MRC1: variants seen among roughly 807,000 people sequenced by gnomAD.
MRC1 encodes mannose receptor C-type 1.
A neutral mutation model predicts 102.9 loss-of-function variants in MRC1; 62 were observed. That is an observed-to-expected ratio of 0.60 (90% CI 0.49 to 0.74). The LOEUF (loss-of-function observed/expected upper bound fraction) is 0.74, where lower values mean the gene tolerates loss of function less well. MRC1 is among the 30% of genes least tolerant of loss of function. MRC1 has a pLI of 0.00. For synonymous variants in MRC1, 457 were observed against 298.4 expected (o/e 1.53, Z -5.48); for missense variants, 1,237 against 862.8 (o/e 1.43, Z -5.43).
intron 19 of MRC1, among the ~76,000 whole-genome samples, 158 bp downstream of exon 19, chr10:17,879,979 A>G (rs1167643015): frequency 6.6e-6 from 1 of 152,232 alleles, no homozygotes; most frequent in Non-Finnish European, 1.5e-5. Context: ...TTCAACTTGT[A>G]ACGAGAATAG....
intron 21 of MRC1, 41 bp downstream of exon 21, chr10:17,881,222 G>A: frequency 2.6e-6 from 2 of 769,790 alleles, no homozygotes; most frequent in Non-Finnish European, 4.8e-6. Context: ...GTTTAAATAT[G>A]GAATTCTGAC....
At chr10:17,858,742 T>C (rs1288667371) in intron 9 of MRC1, among the ~76,000 whole-genome samples, 3 of 152,318 alleles carry the variant, frequency 2.0e-5, no homozygotes, top group African/African-American at 7.2e-5. Context: ...CGCCTTGGCC[T>C]CCCAAAGTGC....
chr10:17,843,328 A>T (rs1321686011), intron 5 of MRC1, among the ~76,000 whole-genome samples: 1 of 152,156 alleles, frequency 6.6e-6, no homozygotes, highest in African/African-American at 2.4e-5. Context: ...AGATACCTTT[A>T]TGCTTATTAC....
At chr10:17,903,716 G>T (rs1276767301) in intron 26 of MRC1, among the ~76,000 whole-genome samples, 1 of 151,810 alleles carries the variant, frequency 6.6e-6, no homozygotes, top group Non-Finnish European at 1.5e-5. Flanking sequence ...TTTTCTTGTT[G>T]TTTCTTTTAC....
chr10:17,895,944 C>A (rs1255886481), intron 23 of MRC1, among the ~76,000 whole-genome samples: 2 of 152,174 alleles, frequency 1.3e-5, no homozygotes, highest in Non-Finnish European at 2.9e-5. Context: ...AATGAAGGGG[C>A]AGGTTATTCA....
At chr10:17,857,124 T>C (rs1316644149) in intron 9 of MRC1, among the ~76,000 whole-genome samples, 2 of 152,324 alleles carry the variant, frequency 1.3e-5, no homozygotes, top group East Asian at 3.9e-4. Flanking sequence ...TTTGGTACTA[T>C]AAAAATAAAC....
rs906315846 is a variant in MRC1 at position 17,900,780 on chromosome 10, C to T, written c.3484-8C>T. 15 of 780,604 alleles carry T rather than the reference C, an allele frequency of 1.9e-5. 1 individual carries two copies. Among genetic ancestry groups the T allele is most frequent in the East Asian group, 1.7e-4 (7 of 41,206 alleles). The allele number at this position is 780,604 out of a possible 1,614,324, so 48.4% of individuals were successfully genotyped here. Reference sequence around the variant, plus strand: ...GCTGCATGTTAATGCTTGTTTTTGTCGTTGCAGACTGATAATCAATACACT... The same window carrying T: ...GCTGCATGTTAATGCTTGTTTTTGTTGTTGCAGACTGATAATCAATACACT... On this transcript the variant is annotated splice_polypyrimidine_tract_variant and splice_region_variant and intron_variant, in intron 24 of 29. Coordinates refer to ENST00000569591, the MANE Select transcript of MRC1 (RefSeq NM_002438.4).
chr10:17,859,404 A>G (rs1368255191), intron 9 of MRC1, among the ~76,000 whole-genome samples: 2 of 151,968 alleles, frequency 1.3e-5, no homozygotes, highest in African/African-American at 4.8e-5. Context: ...CGCAACCTCT[A>G]CCACATGGGT....
At chr10:17,881,043 T>C in intron 20 of MRC1, 24 bp from the exon 21 acceptor site, 1 of 780,268 alleles carries the variant, frequency 1.3e-6, no homozygotes, top group South Asian at 1.3e-5. Context: ...TTTTCTTTTT[T>C]TCTCTGCCCC....
At chr10:17,869,937 ATCTTG>A (rs1412412185) in intron 12 of MRC1, among the ~76,000 whole-genome samples, 1 of 152,124 alleles carries the variant, frequency 6.6e-6, no homozygotes, top group African/African-American at 2.4e-5. Context: ...AACCAAATTA[ATCTTG>A]TCTTCCACGA....
At chr10:17,811,451 T>C (rs1182562884) in intron 1 of MRC1, among the ~76,000 whole-genome samples, 7 of 152,150 alleles carry the variant, frequency 4.6e-5, no homozygotes, top group African/African-American at 7.2e-5. Context: ...GGCACAAATA[T>C]TGGGGAGAGA....
At chr10:17,902,331 A>C (rs978028442) in intron 26 of MRC1, among the ~76,000 whole-genome samples, 1 of 152,190 alleles carries the variant, frequency 6.6e-6, no homozygotes, top group Non-Finnish European at 1.5e-5. Context: ...ATTCGGGTAG[A>C]AAACAGCGTA....
Position 17,833,739 on chromosome 10 carries a change from C to T in MRC1, c.702C>T (p.Ser234=). The T allele has an allele frequency of 1.3e-6, 1 of 781,042 alleles. No homozygotes were observed. The highest frequency in any genetic ancestry group is 2.4e-6 in the Non-Finnish European group (1 of 418,140). The allele number at this position is 781,042 out of a possible 1,614,324, so 48.4% of individuals were successfully genotyped here. The change falls in exon 4 of 30, where the codon TCC becomes TCT. Residue 234 remains serine, a synonymous_variant. Coordinates refer to ENST00000569591, the MANE Select transcript of MRC1 (RefSeq NM_002438.4). ...PLTSVSYQIN[S]KSALTWHQAR... is the part of the protein sequence containing the mutation. ...CCAGCGTTTCCTACCAGATAAACTC[C>T]AAATCCGCTTTAACGTGGCACCAGG...
chr10:17,831,784 T>C (rs1341186146), intron 3 of MRC1, among the ~76,000 whole-genome samples: 1 of 151,726 alleles, frequency 6.6e-6, no homozygotes, highest in Non-Finnish European at 1.5e-5. Flanking sequence ...ACATGAAGCA[T>C]GCCAAAATAT....
intron 23 of MRC1, among the ~76,000 whole-genome samples, chr10:17,895,896 T>C (rs1431207206): frequency 6.6e-6 from 1 of 152,242 alleles, no homozygotes; most frequent in African/African-American, 2.4e-5. Flanking sequence ...GGCAGTGAAT[T>C]CTGCACTCAT....
chr10:17,882,607 C>T (rs1412552228), intron 21 of MRC1, among the ~76,000 whole-genome samples: 1 of 151,946 alleles, frequency 6.6e-6, no homozygotes, highest in Non-Finnish European at 1.5e-5. Context: ...GCACTAGAAA[C>T]ATGTAGGGTG....
Position 17,849,636 on chromosome 10 carries a change from A to T in MRC1, c.1121A>T (p.Tyr374Phe). 2.6e-6 allele frequency: 2 copies of T among 780,930 alleles called. No individual in the cohort carries two copies. The highest frequency in any genetic ancestry group is 1.7e-5 in the African/African-American group (1 of 59,220). The allele number at this position is 780,930 out of a possible 1,614,324, so 48.4% of individuals were successfully genotyped here. Residue 374 changes from tyrosine (Y) to phenylalanine (F), a missense_variant, in exon 7 of 30, where the codon TAC becomes TTC. Coordinates refer to ENST00000569591, the MANE Select transcript of MRC1 (RefSeq NM_002438.4). ...SQWWPYAGHCYKIHRDEKKIQ... is the reference protein window; with the variant it reads ...SQWWPYAGHCFKIHRDEKKIQ... ...TGGTGGCCGTATGCCGGTCACTGTTACAAGATTCACAGAGATGAGAAAAAA... is the reference window on the plus strand; with the variant it reads ...TGGTGGCCGTATGCCGGTCACTGTTTCAAGATTCACAGAGATGAGAAAAAA...
At position 17,823,366 on chromosome 10, in the gene MRC1, C is replaced by G; in HGVS notation, c.354C>G (p.Asn118Lys). 1.3e-6 allele frequency: 1 copy of G among 780,782 alleles called. No homozygotes were observed. The highest frequency in any genetic ancestry group is 2.4e-6 in the Non-Finnish European group (1 of 417,958). The allele number at this position is 780,782 out of a possible 1,614,324, so 48.4% of individuals were successfully genotyped here. A position where few individuals can be genotyped will look rare whatever the true frequency, so the allele number is the denominator to read the frequency against. ...LGIKGEDLFF[N>K]YGNRQEKNIM... ...TCAAAGGAGAAGATTTATTTTTTAA[C>G]TACGGCAACAGACAAGAAAAGAATA... The change falls in exon 2 of 30, where the codon AAC becomes AAG. Residue 118 changes from asparagine (N) to lysine (K), a missense_variant. Coordinates refer to ENST00000569591, the MANE Select transcript of MRC1 (RefSeq NM_002438.4).
At chr10:17,902,375 T>C (rs551886487) in intron 26 of MRC1, among the ~76,000 whole-genome samples, 4,498 of 152,258 alleles carry the variant, frequency 0.03, 219 homozygotes, top group African/African-American at 0.1. Context: ...GACTTCATGT[T>C]GTAAATTGTT....
Sources: allele counts gnomAD v4.1 joint callset (sites outside exome capture counted in the v4.1 genomes callset), GRCh38; gene constraint gnomAD v4.1.1; transcripts MANE v1.5; gene names NCBI Gene and HGNC (gene_info 2026-07-23, HGNC 2026-07-21).